Variants in PTPN4 observed in about 807,000 individuals in gnomAD.
PTPN4 encodes the protein protein tyrosine phosphatase non-receptor type 4.
A neutral mutation model predicts 135.5 loss-of-function variants in PTPN4; 49 were observed. The observed-to-expected ratio is 0.36, with a 90% CI of 0.29 to 0.46. The LOEUF is 0.46. Ranked by LOEUF, PTPN4 falls within the 20% of genes least tolerant of loss-of-function variation. PTPN4 has a pLI of 1.00. For missense variants in PTPN4, 860 were observed against 1,101.0 expected, an observed-to-expected ratio of 0.78 and a Z score of 3.10; for synonymous variants, 333 against 369.9, an observed-to-expected ratio of 0.90 and a Z score of 1.14.
chr2:119,843,465 C>T (rs563531273), intron 2 of PTPN4, among the ~76,000 whole-genome samples: 10 of 133,904 alleles, frequency 7.5e-5, no homozygotes, highest in Middle Eastern at 3.7e-3. Flanking sequence ...TCCACAAAGC[C>T]GCCATTGTCA....
chr2:119,956,208 A>C (rs1346202509), intron 20 of PTPN4, among the ~76,000 whole-genome samples: 2 of 147,544 alleles, frequency 1.4e-5, no homozygotes, highest in East Asian at 3.9e-4. Flanking sequence ...GACTATATCA[A>C]CCTAATTTGT....
intron 1 of PTPN4, among the ~76,000 whole-genome samples, chr2:119,806,087 A>G (rs1479155380): frequency 2.0e-5 from 3 of 152,158 alleles, no homozygotes; most frequent in Non-Finnish European, 2.9e-5. Flanking sequence ...AGCACTAAAC[A>G]TGGAAAGGAA....
chr2:119,910,442 G>C (rs1449430368), intron 10 of PTPN4, among the ~76,000 whole-genome samples: 2 of 151,994 alleles, frequency 1.3e-5, no homozygotes, highest in Non-Finnish European at 2.9e-5. Context: ...AGAATGAAAG[G>C]GGATAGCATT....
Position 119,925,361 on chromosome 2 carries a change from C to T in PTPN4, c.1002-1237C>T, listed in dbSNP as rs72971049. 2.9e-3 allele frequency among the ~76,000 whole-genome samples: 442 copies of T among 152,322 alleles called. 4 individuals carry two copies. The highest frequency in any genetic ancestry group is 0.01 in the African/African-American group (430 of 41,566). On this transcript the variant is annotated intron_variant, in intron 12 of 26. Transcript: ENST00000263708. ...GCACAGGACAGGACTGGGCCTATGACAGCTCGCACATTAAATTGTATATAC... is the reference window on the plus strand; with the variant it reads ...GCACAGGACAGGACTGGGCCTATGATAGCTCGCACATTAAATTGTATATAC...
Position 119,885,788 on chromosome 2 carries a change from T to TTTA in PTPN4, c.588-5_588-3dup. 6.4e-7 allele frequency: 1 copy of TTTA among 1,557,990 alleles called. No homozygotes were observed. The highest frequency in any genetic ancestry group is 1.2e-5 in the South Asian group (1 of 84,066). ...ATCTCATTTTTAACTTAATGATGTC[T>TTTA]TTATAGAGGCTTATCTCCTGCAGAA... On this transcript the variant is annotated splice_polypyrimidine_tract_variant and splice_region_variant and intron_variant, in intron 8 of 26. Coordinates refer to ENST00000263708, the MANE Select transcript of PTPN4 (RefSeq NM_002830.4).
At chr2:119,877,298 T>C in intron 3 of PTPN4, 25 bp from the exon 4 acceptor site, 1 of 1,600,034 alleles carries the variant, frequency 6.2e-7, no homozygotes, top group Non-Finnish European at 8.5e-7. Flanking sequence ...AAAAAAGAAA[T>C]CAGTTTTATT....
At chr2:119,972,003 C>A (rs1275950020) in intron 26 of PTPN4, among the ~76,000 whole-genome samples, 1 of 152,158 alleles carries the variant, frequency 6.6e-6, no homozygotes, top group Non-Finnish European at 1.5e-5. Context: ...TGATTTGTAT[C>A]TCTGTTCCTA....
At chr2:119,924,445 A>G (rs1331708132) in intron 12 of PTPN4, among the ~76,000 whole-genome samples, 1 of 151,966 alleles carries the variant, frequency 6.6e-6, no homozygotes, top group Non-Finnish European at 1.5e-5. Context: ...AATGGTGATG[A>G]TTTCTTTATG....
intron 2 of PTPN4, among the ~76,000 whole-genome samples, chr2:119,859,511 T>A (rs888444462): frequency 1.8e-4 from 27 of 152,180 alleles, no homozygotes; most frequent in African/African-American, 5.8e-4. Flanking sequence ...TATCCCTTTT[T>A]CCATCTACCT....
intron 10 of PTPN4, among the ~76,000 whole-genome samples, chr2:119,905,326 C>T (rs148713798): frequency 1.8e-3 from 280 of 152,106 alleles, no homozygotes; most frequent in Admixed American, 4.0e-3. Flanking sequence ...AAACCAAGAG[C>T]GTACAGAAGC....
intron 15 of PTPN4, among the ~76,000 whole-genome samples, chr2:119,943,225 ATACT>A (rs1302962310): frequency 1.3e-5 from 2 of 152,236 alleles, no homozygotes; most frequent in African/African-American, 4.8e-5. Flanking sequence ...GGCACTGATC[ATACT>A]TTCTTTCAGT....
intron 9 of PTPN4, among the ~76,000 whole-genome samples, chr2:119,897,627 A>C (rs1198209223): frequency 6.6e-6 from 1 of 152,136 alleles, no homozygotes; most frequent in Non-Finnish European, 1.5e-5. Flanking sequence ...AAAATTTTTA[A>C]CTTTATCTCC....
At chr2:119,886,953 G>A (rs1678168473) in intron 9 of PTPN4, among the ~76,000 whole-genome samples, 1 of 150,834 alleles carries the variant, frequency 6.6e-6, no homozygotes, top group Admixed American at 6.6e-5. Context: ...CATTTAAAAT[G>A]TGTCTCTTAG....
intron 1 of PTPN4, among the ~76,000 whole-genome samples, chr2:119,762,414 C>G (rs1196122971): frequency 6.6e-6 from 1 of 151,470 alleles, no homozygotes; most frequent in Non-Finnish European, 1.5e-5. Context: ...ATAGTTTTGT[C>G]TGTTAAACAT....
intron 26 of PTPN4, among the ~76,000 whole-genome samples, chr2:119,969,472 G>A (rs1679494640): frequency 6.6e-6 from 1 of 150,532 alleles, no homozygotes; most frequent in Non-Finnish European, 1.5e-5. Context: ...TCATATTTTA[G>A]TGTGTATCTC....
rs750240097 is a variant in PTPN4 at position 119,983,058 on chromosome 2, G to T, written c.*5988G>T. Reference sequence around the variant, plus strand: ...TCATTATTTTTATTTCTCTTTCCACGTCTCCAACTTTTTAAAAATCACTAA... The same window carrying T: ...TCATTATTTTTATTTCTCTTTCCACTTCTCCAACTTTTTAAAAATCACTAA... On this transcript the variant is annotated 3_prime_UTR_variant, in exon 27 of 27. Coordinates refer to ENST00000263708, the MANE Select transcript of PTPN4 (RefSeq NM_002830.4). 3.3e-5 allele frequency: 5 copies of T among 151,928 alleles called. No homozygotes were observed. Among genetic ancestry groups the T allele is most frequent in the Non-Finnish European group, 7.4e-5 (5 of 67,992 alleles). 9.4% of individuals were successfully genotyped at this position (151,928 alleles called of 1,614,324 possible).
chr2:119,943,103 T>C (rs1217851532), intron 15 of PTPN4, among the ~76,000 whole-genome samples: 1 of 152,272 alleles, frequency 6.6e-6, no homozygotes, highest in Non-Finnish European at 1.5e-5. Flanking sequence ...TTTGCAGTTA[T>C]ATTTTATACC....
intron 2 of PTPN4, among the ~76,000 whole-genome samples, chr2:119,855,683 C>T (rs1327656834): frequency 1.3e-5 from 2 of 152,186 alleles, no homozygotes; most frequent in Non-Finnish European, 2.9e-5. Flanking sequence ...GTGGCAAGGG[C>T]TGTCAGTCCA....
chr2:119,938,766 G>A (rs75715491), intron 15 of PTPN4, among the ~76,000 whole-genome samples: 3,336 of 152,116 alleles, frequency 0.022, 52 homozygotes, highest in Middle Eastern at 0.034. Context: ...ACTGACAGGG[G>A]TGGGGGATGC....
Sources: allele counts gnomAD v4.1 joint callset (sites outside exome capture counted in the v4.1 genomes callset), GRCh38; gene constraint gnomAD v4.1.1; transcripts MANE v1.5; gene names NCBI Gene and HGNC (gene_info 2026-07-23, HGNC 2026-07-21).